The following DACT1 variants were observed in gnomAD, a reference collection of about 807,000 sequenced individuals.
DACT1 encodes the protein dapper homolog 1.
A neutral mutation model predicts 35.3 loss-of-function variants in DACT1; 19 were observed. That is an observed-to-expected ratio of 0.54 (90% CI 0.38 to 0.79). DACT1 has a LOEUF of 0.79. DACT1 is among the 30% of genes least tolerant of loss of function. The pLI, the probability that DACT1 is intolerant of heterozygous loss-of-function variation, is 0.00. For missense variants in DACT1, 1,143 were observed against 1,057.5 expected (o/e 1.08, Z -1.12); for synonymous variants, 545 against 466.7 (o/e 1.17, Z -2.16).
intron 1 of DACT1, 55 bp from the exon 2 acceptor site, chr14:58,640,681 C>G: frequency 6.2e-7 from 1 of 1,603,206 alleles, no homozygotes; most frequent in Non-Finnish European, 8.5e-7. Context: ...AGTAGACTTT[C>G]TGGTTCTTTT....
rs747881136 is a variant in DACT1 at position 58,646,568 on chromosome 14, G to C, written c.1834G>C (p.Gly612Arg). The stretch of plus-strand genomic sequence containing the variant: ...TGGTGTTCCCGGCAGGCCCGCGGGC[G>C]GGGGCCACAGGGCGGGGAGCAGGGC... ...EAGVPGRPAG[G>R]GHRAGSRAHG... Residue 612 changes from glycine to arginine, a missense_variant, in exon 4 of 4, where the codon GGG becomes CGG. Gly to Arg is a moderately radical substitution (Grantham distance 125, BLOSUM62 -2). This residue lies in a region of DACT1 where 1,054 missense variants were observed against 958.8 expected (regional missense o/e 1.10). Coordinates refer to ENST00000395153, the MANE Select transcript of DACT1 (RefSeq NM_001079520.2). 1 of 1,563,608 alleles carries C rather than the reference G, an allele frequency of 6.4e-7. No homozygotes were observed. The highest frequency in any genetic ancestry group is 2.4e-5 in the East Asian group (1 of 42,182).
intron 1 of DACT1, 41 bp from the exon 2 acceptor site, chr14:58,640,695 A>C (rs762277787): frequency 6.2e-7 from 1 of 1,608,186 alleles, no homozygotes; most frequent in Non-Finnish European, 8.5e-7. Context: ...TTCTTTTGTC[A>C]CCCCTGTATG....
Position 58,645,589 on chromosome 14 carries a change from C to T in DACT1, c.855C>T (p.Ser285=). 1 of 1,614,132 alleles carries T rather than the reference C, an allele frequency of 6.2e-7. No individual in the cohort carries two copies. The highest frequency in any genetic ancestry group is 8.5e-7 in the Non-Finnish European group (1 of 1,180,032). ...TCAAAACAGACAGTTCCTTACCGTC[C>T]CCAAGCAGTCTGTGGTCTGCTTCCC... is the stretch of plus-strand genomic sequence containing the variant. ...DAVKTDSSLP[S]PSSLWSASHP... The change falls in exon 4 of 4, where the codon TCC becomes TCT. Residue 285 remains serine (S), a synonymous_variant. Transcript: ENST00000395153.
Position 58,646,525 on chromosome 14 carries a change from T to A in DACT1, c.1791T>A (p.Ser597Arg). 1 of 1,552,876 alleles carries A rather than the reference T, an allele frequency of 6.4e-7. No homozygotes were observed. The highest frequency in any genetic ancestry group is 8.7e-7 in the Non-Finnish European group (1 of 1,153,574). Reference sequence around the variant, plus strand: ...AAGCCTCCTCCAAGGGGAGGAAGAGTGGGGGCGGGCCCGAGGCTGGTGTTC... The same window carrying A: ...AAGCCTCCTCCAAGGGGAGGAAGAGAGGGGGCGGGCCCGAGGCTGGTGTTC... ...LKKASSKGRK[S>R]GGGPEAGVPG... The change falls in exon 4 of 4, where the codon AGT becomes AGA. Residue 597 changes from serine to arginine, a missense_variant. By Grantham distance (110) the Ser-to-Arg change is moderately radical. This residue lies in a region of DACT1 where 1,054 missense variants were observed against 958.8 expected (regional missense o/e 1.10). Transcript: ENST00000395153.
rs984507212 is a variant in DACT1 at position 58,648,088 on chromosome 14, G to T, written c.*954G>T. 7 of 166,936 alleles carry T rather than the reference G, an allele frequency of 4.2e-5. No individual in the cohort carries two copies. The highest frequency in any genetic ancestry group is 1.7e-4 in the African/African-American group (7 of 41,404). The allele number at this position is 166,936 out of a possible 1,614,324, so 10.3% of individuals were successfully genotyped here. A position where few individuals can be genotyped will look rare whatever the true frequency, so the allele number is the denominator to read the frequency against. On this transcript the variant is annotated 3_prime_UTR_variant, in exon 4 of 4. Transcript: ENST00000395153. ...GGCTGTTTTTTAAGAAAAAATTTTT[G>T]GTAAACAGTATTGTGTAAAATTGCT...
chr14:58,645,353 C>G lies in DACT1; in HGVS notation c.635-16C>G. On this transcript the variant is annotated splice_polypyrimidine_tract_variant and intron_variant, in intron 3 of 3. Transcript: ENST00000395153. ...CCTCTCCACACCACAATTTAATTCC[C>G]TTGATGTCATTGCAGATGTGAATCC... 1 of 1,614,226 alleles carries G rather than the reference C, an allele frequency of 6.2e-7. No individual in the cohort carries two copies. Among genetic ancestry groups the G allele is most frequent in the African/African-American group, 1.3e-5 (1 of 75,074 alleles).
intron 1 of DACT1, 102 bp downstream of exon 1, chr14:58,638,649 TGCTC>T: frequency 8.1e-7 from 1 of 1,238,136 alleles, no homozygotes; most frequent in Non-Finnish European, 1.0e-6. Flanking sequence ...GCTGGGGAGA[TGCTC>T]GCTGTTATGG....
chr14:58,638,795 G>A, intron 1 of DACT1: 2 of 1,184,228 alleles, frequency 1.7e-6, no homozygotes, highest in African/African-American at 1.6e-5. Flanking sequence ...TGCGGGAAGG[G>A]GGTGGCCGCT....
In DACT1 at chr14:58,646,103, C is replaced by T. The variant is rs2047676567; in HGVS notation, c.1369C>T (p.Pro457Ser). 1 of 1,612,658 alleles carries T rather than the reference C, an allele frequency of 6.2e-7. No homozygotes were observed. Among genetic ancestry groups the T allele is most frequent in the Non-Finnish European group, 8.5e-7 (1 of 1,179,652 alleles). The change falls in exon 4 of 4, where the codon CCT becomes TCT. Residue 457 changes from proline (P) to serine (S), a missense_variant. Physicochemically the swap from Pro to Ser is moderately conservative, Grantham distance 74. Around this residue, in one of 3 missense-constraint regions of DACT1, gnomAD observed 1,054 missense variants for 958.8 expected, o/e 1.10. Transcript: ENST00000395153. ...ASPKESPSRGPAPPQENKVVQ... is the reference protein window; with the variant it reads ...ASPKESPSRGSAPPQENKVVQ... The stretch of plus-strand genomic sequence containing the variant: ...TCCAAAAGAGAGTCCTAGCAGAGGC[C>T]CTGCCCCGCCGCAGGAGAACAAAGT...
chr14:58,637,827 G>C (rs1371536212), upstream of DACT1, among the ~76,000 whole-genome samples: 2 of 151,786 alleles, frequency 1.3e-5, no homozygotes, highest in Non-Finnish European at 1.5e-5. Context: ...GCGGCTCTGG[G>C]GGCCGGGCGG....
At chr14:58,636,007 TA>T (rs2047570340), upstream of DACT1, among the ~76,000 whole-genome samples, 1 of 152,192 alleles carries the variant, frequency 6.6e-6, no homozygotes, top group African/African-American at 2.4e-5. Flanking sequence ...GGAGGAAAAT[TA>T]GTTCCTATAT....
chr14:58,647,422 G>A lies in DACT1; in HGVS notation c.*288G>A. On this transcript the variant is annotated 3_prime_UTR_variant, in exon 4 of 4. Transcript: ENST00000395153. ...TTATTTTAAACTTTCTGAGCATCCG[G>A]CAAGGTACAGGTTTTGATGTTCAAG... The A allele has an allele frequency of 2.5e-6, 1 of 395,242 alleles. No individual in the cohort carries two copies. The highest frequency in any genetic ancestry group is 4.7e-6 in the Non-Finnish European group (1 of 212,852). The allele number at this position is 395,242 out of a possible 1,614,324, so 24.5% of individuals were successfully genotyped here.
rs2047666353 is a variant in DACT1, at chr14:58,645,590, C to T, written c.856C>T (p.Pro286Ser). The change falls in exon 4 of 4, where the codon CCA becomes TCA. Residue 286 changes from proline (P) to serine (S), a missense_variant. Pro to Ser is a moderately conservative substitution (Grantham distance 74). Transcript: ENST00000395153. ...AVKTDSSLPS[P>S]SSLWSASHPS... ...CAAAACAGACAGTTCCTTACCGTCC[C>T]CAAGCAGTCTGTGGTCTGCTTCCCA... 1 of 1,614,024 alleles carries T rather than the reference C, an allele frequency of 6.2e-7. No individual in the cohort carries two copies. The highest frequency in any genetic ancestry group is 1.1e-5 in the South Asian group (1 of 91,088).
At chr14:58,639,711 C>T (rs2047609172) in intron 1 of DACT1, among the ~76,000 whole-genome samples, 1 of 152,146 alleles carries the variant, frequency 6.6e-6, no homozygotes. Context: ...AGACAAGAGG[C>T]GTAGATATTC....
rs564542694 is a variant in DACT1 at position 58,640,851 on chromosome 14, A to T, written c.461A>T (p.Asp154Val). 2 of 1,614,074 alleles carry T rather than the reference A, an allele frequency of 1.2e-6. No individual in the cohort carries two copies. Among genetic ancestry groups the T allele is most frequent in the Admixed American group, 3.3e-5 (2 of 60,000 alleles). ...EKTSEEHLET[D>V]SRPSSGFYEL... ...ACATCTGAAGAGCACCTGGAGACAG[A>T]CAGTCGGCCTAGCTCAGGTGAGTGA... The change falls in exon 2 of 4, where the codon GAC (aspartate) becomes GTC (valine). Residue 154 changes from aspartate (D) to valine (V), a missense_variant. By Grantham distance (152) the Asp-to-Val change is radical. Coordinates refer to ENST00000395153, the MANE Select transcript of DACT1 (RefSeq NM_001079520.2).
chr14:58,641,907 G>A (rs771827981), intron 3 of DACT1, among the ~76,000 whole-genome samples, 160 bp downstream of exon 3: 1 of 152,204 alleles, frequency 6.6e-6, no homozygotes, highest in Non-Finnish European at 1.5e-5. Context: ...TTTCATCTAG[G>A]TGAGTATCTA....
Position 58,645,840 on chromosome 14 carries a change from C to T in DACT1, c.1106C>T (p.Pro369Leu). ...GCGTGTCTGCCCTCTGGCGGGATAC[C>T]TTCTCTGAACAATGGGACATTCTCC... is the stretch of plus-strand genomic sequence containing the variant. The part of the protein sequence containing the change: ...KQACLPSGGI[P>L]SLNNGTFSPP... The change falls in exon 4 of 4, where the codon CCT becomes CTT. Residue 369 changes from proline (P) to leucine (L), a missense_variant. Pro to Leu is a moderately conservative substitution (Grantham distance 98). Around this residue, in one of 3 missense-constraint regions of DACT1, gnomAD observed 1,054 missense variants for 958.8 expected, o/e 1.10. Transcript: ENST00000395153. 1 of 1,614,252 alleles carries T rather than the reference C, an allele frequency of 6.2e-7. No individual in the cohort carries two copies. The highest frequency in any genetic ancestry group is 8.5e-7 in the Non-Finnish European group (1 of 1,180,050).
At chr14:58,636,934 G>A (rs1197979684), upstream of DACT1, among the ~76,000 whole-genome samples, 1 of 152,082 alleles carries the variant, frequency 6.6e-6, no homozygotes. Flanking sequence ...AAATCCCTCT[G>A]GAGAAAAGCT....
At chr14:58,642,691 CTCAA>C (rs1051433046) in intron 3 of DACT1, among the ~76,000 whole-genome samples, 4 of 152,326 alleles carry the variant, frequency 2.6e-5, no homozygotes, top group South Asian at 2.1e-4. Context: ...GAGGCTCCAT[CTCAA>C]TCAATCAATC....
Sources: gnomAD v4.1 joint callset for allele counts (sites outside exome capture counted in the v4.1 genomes callset) on GRCh38, gnomAD v4.1.1 for gene constraint, gnomAD v4.1.1 regional missense constraint, MANE v1.5 for transcripts, NCBI Gene and HGNC (gene_info 2026-07-23, HGNC 2026-07-21) for gene names.